The following CFAP61 variants were observed in gnomAD, a reference collection of about 807,000 sequenced individuals.
CFAP61 encodes the protein cilia- and flagella-associated protein 61.
In CFAP61, 107 loss-of-function variants were observed where a neutral mutation model predicts 135.6. That is an observed-to-expected ratio of 0.79 (90% CI 0.67 to 0.93). CFAP61 has a LOEUF of 0.93. CFAP61 is among the 40% of genes least tolerant of loss of function. The pLI is 0.00. For missense variants in CFAP61, 1,507 were observed against 1,556.2 expected (o/e 0.97, Z 0.53); for synonymous variants, 575 against 578.5 (o/e 0.99, Z 0.09).
chr20:20,312,016 G>A (rs951532905), intron 25 of CFAP61, among the ~76,000 whole-genome samples: 2 of 152,174 alleles, frequency 1.3e-5, no homozygotes, highest in South Asian at 2.1e-4. Flanking sequence ...AGACATGAAT[G>A]TATCAAATGC....
chr20:20,074,019 G>A (rs552112413), intron 3 of CFAP61: 7 of 423,544 alleles, frequency 1.7e-5, no homozygotes, highest in East Asian at 8.8e-5. Context: ...AGGCTCTCCC[G>A]CAGCTCATTC....
chr20:20,224,983 A>C (rs144685663), intron 17 of CFAP61, among the ~76,000 whole-genome samples: 288 of 152,340 alleles, frequency 1.9e-3, no homozygotes, highest in Non-Finnish European at 3.1e-3. Context: ...AATGCATGGG[A>C]CATTTTTTGG....
chr20:20,311,607 A>G (rs1601945883), intron 25 of CFAP61, among the ~76,000 whole-genome samples: 2 of 152,026 alleles, frequency 1.3e-5, no homozygotes, highest in Admixed American at 6.6e-5. Flanking sequence ...TGGAGTTGTC[A>G]GGACAGAGGG....
At chr20:20,200,371 C>T (rs1271073169) in intron 17 of CFAP61, among the ~76,000 whole-genome samples, 1 of 152,116 alleles carries the variant, frequency 6.6e-6, no homozygotes, top group Non-Finnish European at 1.5e-5. Context: ...ACTCCCTCCT[C>T]CATTTGAATC....
At chr20:20,156,424 G>A (rs2207094) in intron 9 of CFAP61, among the ~76,000 whole-genome samples, 137,251 of 152,180 alleles carry the variant, frequency 0.9, 62,710 homozygotes, top group Middle Eastern at 0.99. Context: ...TACAGCAAAC[G>A]TCACACATAA....
At chr20:20,319,162 A>G (rs1350738440) in intron 25 of CFAP61, among the ~76,000 whole-genome samples, 3 of 152,174 alleles carry the variant, frequency 2.0e-5, no homozygotes, top group African/African-American at 2.4e-5. Flanking sequence ...CCCATAATAC[A>G]TAGTTCTGCA....
chr20:20,338,425 T>C (rs542076720), intron 25 of CFAP61, among the ~76,000 whole-genome samples: 2 of 152,222 alleles, frequency 1.3e-5, no homozygotes, highest in South Asian at 2.1e-4. Flanking sequence ...TTTTTTTTCA[T>C]GCCAAGAGAA....
In CFAP61 at chr20:20,068,053, G is replaced by A. The variant is rs111979622; in HGVS notation, c.144-2801G>A. ...ATACTGAATCTTTAATGTCTATGTG[G>A]TATATAGTATTGTGCTAATTGTACT... On this transcript the variant is annotated intron_variant, in intron 2 of 26. Coordinates refer to ENST00000245957, the MANE Select transcript of CFAP61 (RefSeq NM_015585.4). 2.2e-4 allele frequency among the ~76,000 whole-genome samples: 34 copies of A among 152,274 alleles called. 1 individual carries two copies. Among genetic ancestry groups the A allele is most frequent in the African/African-American group, 7.2e-4 (30 of 41,546 alleles).
At chr20:20,125,775 CT>C (rs1432551833) in intron 8 of CFAP61, among the ~76,000 whole-genome samples, 1 of 151,572 alleles carries the variant, frequency 6.6e-6, no homozygotes, top group African/African-American at 2.4e-5. Context: ...TCTTTGTTGA[CT>C]TTTTGTCTTG....
At chr20:20,164,400 T>G (rs945404349) in intron 11 of CFAP61, among the ~76,000 whole-genome samples, 172 bp downstream of exon 11, 1 of 152,142 alleles carries the variant, frequency 6.6e-6, no homozygotes, top group Non-Finnish European at 1.5e-5. Context: ...TTCTAGTCCA[T>G]CAAATTTTAA....
chr20:20,335,204 G>A lies in CFAP61; in HGVS notation c.3423-6627G>A, dbSNP rs957413463. 4.6e-5 allele frequency among the ~76,000 whole-genome samples: 7 copies of A among 152,256 alleles called. No individual in the cohort carries two copies. In the East Asian group the frequency reaches 5.8e-4, roughly 13 times the overall value. On this transcript the variant is annotated intron_variant, in intron 25 of 26. Transcript: ENST00000245957. The stretch of plus-strand genomic sequence containing the variant: ...GTGGGTTTTTTTCCCCAGAGTGTTC[G>A]GTTTTGGAGTAGTTGGAGTCTAGAG...
At chr20:20,121,175 C>T (rs1161567638) in intron 8 of CFAP61, among the ~76,000 whole-genome samples, 2 of 140,700 alleles carry the variant, frequency 1.4e-5, no homozygotes, top group Non-Finnish European at 1.5e-5. Context: ...GGCACCATCT[C>T]GGCTCAGTGT....
chr20:20,315,005 A>G (rs904195777), intron 25 of CFAP61, among the ~76,000 whole-genome samples: 1 of 112,050 alleles, frequency 8.9e-6, no homozygotes, highest in Non-Finnish European at 1.8e-5. Context: ...ATATGTGTGC[A>G]TGTGTCCTTA....
intron 8 of CFAP61, among the ~76,000 whole-genome samples, chr20:20,138,814 G>T (rs557071272): frequency 3.9e-5 from 6 of 152,236 alleles, no homozygotes; most frequent in South Asian, 4.1e-4. Context: ...TTATTGTACA[G>T]TTTGTTCTTT....
rs2044369023 is a variant in CFAP61 at position 20,056,755 on chromosome 20, T to G, written c.102T>G (p.Phe34Leu). Residue 34 changes from phenylalanine to leucine, a missense_variant, in exon 2 of 27, where the codon TTT becomes TTG. Phe to Leu is a conservative substitution (Grantham distance 22). Coordinates refer to ENST00000245957, the MANE Select transcript of CFAP61 (RefSeq NM_015585.4). ...GTATCAAAAGCCTTATTAGAAAATT[T>G]ACCTGCAAGCTGTTTGGGAAGCTAA... ...VYCIKSLIRK[F>L]TCKLFGKLNI... 2 of 1,614,050 alleles carry G rather than the reference T, an allele frequency of 1.2e-6. No individual in the cohort carries two copies. The highest frequency in any genetic ancestry group is 1.7e-6 in the Non-Finnish European group (2 of 1,179,902).
At chr20:20,190,735 A>G (rs1003466592) in intron 14 of CFAP61, among the ~76,000 whole-genome samples, 1 of 152,188 alleles carries the variant, frequency 6.6e-6, no homozygotes, top group Non-Finnish European at 1.5e-5. Flanking sequence ...GTAAATCTAC[A>G]AGTATGTCAA....
At chr20:20,188,265 G>A (rs1460600594) in intron 14 of CFAP61, among the ~76,000 whole-genome samples, 1 of 152,174 alleles carries the variant, frequency 6.6e-6, no homozygotes, top group Non-Finnish European at 1.5e-5. Flanking sequence ...TCCCCCAGAG[G>A]GATCAGATAC....
intron 24 of CFAP61, among the ~76,000 whole-genome samples, chr20:20,297,424 C>T (rs2055725102): frequency 6.6e-6 from 1 of 152,188 alleles, no homozygotes; most frequent in South Asian, 2.1e-4. Context: ...CCCCACAAAA[C>T]TCATGTTTGT....
At chr20:20,064,835 G>A (rs1483402539) in intron 2 of CFAP61, among the ~76,000 whole-genome samples, 1 of 152,116 alleles carries the variant, frequency 6.6e-6, no homozygotes, top group Non-Finnish European at 1.5e-5. Flanking sequence ...AAGATTATTT[G>A]TCAAGCTTAA....
Sources: allele counts gnomAD v4.1 joint callset (sites outside exome capture counted in the v4.1 genomes callset), GRCh38; gene constraint gnomAD v4.1.1; transcripts MANE v1.5; gene names NCBI Gene and HGNC (gene_info 2026-07-23, HGNC 2026-07-21).